CRTC1: variants seen among roughly 807,000 people sequenced by gnomAD.
CRTC1 encodes the protein CREB-regulated transcription coactivator 1.
CRTC1 carries 18 observed loss-of-function variants against 66.1 expected under a neutral mutation model. That is an observed-to-expected ratio of 0.27 (90% CI 0.19 to 0.40). The LOEUF (loss-of-function observed/expected upper bound fraction) is 0.40, where lower values mean the gene tolerates loss of function less well. CRTC1 is among the 10% of genes least tolerant of loss of function. CRTC1 has a pLI of 1.00. For synonymous variants in CRTC1, 416 were observed against 398.8 expected (o/e 1.04, Z -0.51); for missense variants, 669 against 887.9 (o/e 0.75, Z 3.13).
chr19:18,701,009 G>T (rs1467472127), intron 1 of CRTC1, among the ~76,000 whole-genome samples: 2 of 152,262 alleles, frequency 1.3e-5, no homozygotes, highest in Admixed American at 6.5e-5. Flanking sequence ...TAGGACAGGA[G>T]TGGCTCATTA....
rs181522662 is a variant in CRTC1 at position 18,720,055 on chromosome 19, G to A, written c.127-22855G>A. 1.5e-3 allele frequency among the ~76,000 whole-genome samples: 233 copies of A among 152,368 alleles called. 1 individual carries two copies. Among genetic ancestry groups the A allele is most frequent in the African/African-American group, 5.4e-3 (226 of 41,594 alleles). On this transcript the variant is annotated intron_variant, in intron 1 of 13. Transcript: ENST00000321949. ...ATAAGATTTAAAATTAAACTGCAAAGGATCTGTTCCCCCAGCTACAAATAG... is the reference window on the plus strand; with the variant it reads ...ATAAGATTTAAAATTAAACTGCAAAAGATCTGTTCCCCCAGCTACAAATAG...
intron 1 of CRTC1, among the ~76,000 whole-genome samples, chr19:18,703,017 T>C (rs2053182651): frequency 6.6e-6 from 1 of 151,940 alleles, no homozygotes; most frequent in Non-Finnish European, 1.5e-5. Flanking sequence ...GCTCAGGCAG[T>C]CCTCCTGCCT....
chr19:18,712,221 G>C (rs4808150), intron 1 of CRTC1, among the ~76,000 whole-genome samples: 79,051 of 151,254 alleles, frequency 0.52, 21,291 homozygotes, highest in East Asian at 0.9. Flanking sequence ...GCTGGAATTA[G>C]AAGCATGAGC....
chr19:18,730,340 G>A (rs1389644457), intron 1 of CRTC1, among the ~76,000 whole-genome samples: 1 of 152,050 alleles, frequency 6.6e-6, no homozygotes, highest in African/African-American at 2.4e-5. Flanking sequence ...GGTGAACACC[G>A]AGCCCCCCTG....
At chr19:18,715,562 C>T (rs889807236) in intron 1 of CRTC1, among the ~76,000 whole-genome samples, 1 of 152,218 alleles carries the variant, frequency 6.6e-6, no homozygotes, top group African/African-American at 2.4e-5. Flanking sequence ...GTACGTCCCA[C>T]AACAGAAAGT....
At chr19:18,697,558 C>T (rs182218733) in intron 1 of CRTC1, among the ~76,000 whole-genome samples, 25 of 152,336 alleles carry the variant, frequency 1.6e-4, no homozygotes, top group African/African-American at 5.5e-4. Context: ...AATTCTCCCT[C>T]CTTGGCCTCC....
chr19:18,776,080 G>A (rs1364031917), intron 13 of CRTC1, among the ~76,000 whole-genome samples: 1 of 152,136 alleles, frequency 6.6e-6, no homozygotes, highest in Non-Finnish European at 1.5e-5. Flanking sequence ...CTCCCCTCTC[G>A]GCGGCCTCCT....
Position 18,753,956 on chromosome 19 carries a change from C to T in CRTC1, c.624+371C>T, listed in dbSNP as rs531628102. Among the ~76,000 whole-genome samples, 114 of 152,162 alleles carry T rather than the reference C, an allele frequency of 7.5e-4. 1 individual carries two copies. Among genetic ancestry groups the T allele is most frequent in the African/African-American group, 2.7e-3 (113 of 41,524 alleles). ...CTCTACTAAAAATACAAAAAATTAG[C>T]TGGGTATGGTAGTGCACGCCTGTAA... On this transcript the variant is annotated intron_variant, in intron 6 of 13. Coordinates refer to ENST00000321949, the MANE Select transcript of CRTC1 (RefSeq NM_015321.3).
chr19:18,685,697 C>G (rs968475674), intron 1 of CRTC1, among the ~76,000 whole-genome samples: 1 of 152,026 alleles, frequency 6.6e-6, no homozygotes, highest in African/African-American at 2.4e-5. Context: ...ACTTGAGCAT[C>G]CTTCCACGTG....
chr19:18,763,919 AGT>A (rs980621723), intron 8 of CRTC1, among the ~76,000 whole-genome samples: 1 of 152,170 alleles, frequency 6.6e-6, no homozygotes, highest in Non-Finnish European at 1.5e-5. Flanking sequence ...CGTGACTCTG[AGT>A]GTGCTCTGAG....
intron 1 of CRTC1, among the ~76,000 whole-genome samples, chr19:18,727,551 A>C (rs986109973): frequency 9.3e-5 from 13 of 139,416 alleles, no homozygotes; most frequent in Non-Finnish European, 3.1e-5. Flanking sequence ...ACTGCACTCC[A>C]GCCTGGGTGA....
chr19:18,723,886 C>T lies in CRTC1; in HGVS notation c.127-19024C>T, dbSNP rs185481787. Among the ~76,000 whole-genome samples the T allele has an allele frequency of 1.4e-4, 21 of 152,328 alleles. No homozygotes were observed. In the East Asian group the frequency reaches 3.5e-3, roughly 25 times the overall value. The stretch of plus-strand genomic sequence containing the variant: ...TCGTCAGTGTGGGGCACATTGCACA[C>T]GCCACCGTCATCTCAGTTGTCCCCG... On this transcript the variant is annotated intron_variant, in intron 1 of 13. Coordinates refer to ENST00000321949, the MANE Select transcript of CRTC1 (RefSeq NM_015321.3).
chr19:18,702,016 CG>C (rs1422314371), intron 1 of CRTC1, among the ~76,000 whole-genome samples: 6 of 146,828 alleles, frequency 4.1e-5, no homozygotes, highest in Non-Finnish European at 7.5e-5. Context: ...CTCCTCCTCC[CG>C]GGTTCAAGCA....
intron 3 of CRTC1, 53 bp from the exon 4 acceptor site, chr19:18,747,000 G>A: frequency 1.3e-6 from 2 of 1,561,082 alleles, no homozygotes; most frequent in Non-Finnish European, 1.8e-6. Context: ...CTGAGAGTGT[G>A]TTGTTGGAGG....
intron 1 of CRTC1, among the ~76,000 whole-genome samples, chr19:18,709,702 C>T (rs2053345164): frequency 6.6e-6 from 1 of 152,140 alleles, no homozygotes; most frequent in African/African-American, 2.4e-5. Context: ...CCCGTCTGCC[C>T]TGGGCGGGCT....
chr19:18,772,962 T>G (rs1480420262), intron 11 of CRTC1, among the ~76,000 whole-genome samples: 1 of 152,116 alleles, frequency 6.6e-6, no homozygotes, highest in East Asian at 1.9e-4. Context: ...CTCTTGCATG[T>G]GAGACAGGAC....
intron 1 of CRTC1, among the ~76,000 whole-genome samples, chr19:18,696,259 G>A (rs1380035951): frequency 6.6e-6 from 1 of 152,148 alleles, no homozygotes; most frequent in Non-Finnish European, 1.5e-5. Context: ...GTGAGGCAGG[G>A]CGGTTCAGGC....
intron 8 of CRTC1, among the ~76,000 whole-genome samples, chr19:18,764,249 G>T (rs1165485657): frequency 6.6e-6 from 1 of 152,252 alleles, no homozygotes; most frequent in Non-Finnish European, 1.5e-5. Flanking sequence ...CTCCTGGGGT[G>T]AGTCAGGCGG....
chr19:18,718,838 C>T (rs954872957), intron 1 of CRTC1, among the ~76,000 whole-genome samples: 5 of 152,148 alleles, frequency 3.3e-5, no homozygotes, highest in African/African-American at 1.2e-4. Context: ...ATAACAGCAG[C>T]TCAGCATGTC....
Sources: allele counts gnomAD v4.1 joint callset (sites outside exome capture counted in the v4.1 genomes callset), GRCh38; gene constraint gnomAD v4.1.1; transcripts MANE v1.5; gene names NCBI Gene and HGNC (gene_info 2026-07-23, HGNC 2026-07-21).